Variants in FAM200B observed in about 807,000 individuals in gnomAD.
FAM200B encodes protein FAM200B.
In FAM200B, 32 loss-of-function variants were observed where a neutral mutation model predicts 33.1. That is an observed-to-expected ratio of 0.97 (90% CI 0.73 to 1.30). The LOEUF (loss-of-function observed/expected upper bound fraction) is 1.30, where lower values mean the gene tolerates loss of function less well. Among genes scored for constraint, FAM200B ranks in the 50% most tolerant of loss-of-function variants. The pLI, the probability that FAM200B is intolerant of heterozygous loss-of-function variation, is 0.00. For synonymous variants in FAM200B, 240 were observed against 264.8 expected (o/e 0.91, Z 0.91); for missense variants, 741 against 754.0 (o/e 0.98, Z 0.20).
chr4:15,661,443 A>G, the FAM200B span, among the ~76,000 whole-genome samples: 1 of 152,222 alleles, frequency 6.6e-6, no homozygotes, highest in African/African-American at 2.4e-5. Flanking sequence ...TTTTACCTGT[A>G]AAATGAGCAG....
chr4:15,687,118 T>C lies in FAM200B; in HGVS notation c.141T>C (p.Thr47=). The C allele has an allele frequency of 6.5e-7, 1 of 1,549,110 alleles. No homozygotes were observed. The highest frequency in any genetic ancestry group is 8.7e-7 in the Non-Finnish European group (1 of 1,146,084). The change falls in exon 2 of 2, where the codon ACT becomes ACC. Residue 47 remains threonine (T), a synonymous_variant. Coordinates refer to ENST00000422728, the MANE Select transcript of FAM200B (RefSeq NM_001145191.2). ...KNTDSNLQTS[T]SFEPHFKKKK... is the part of the protein sequence containing the mutation. ...CTGACTCCAATCTGCAAACTTCAAC[T>C]TCATTTGAGCCACATTTCAAAAAGA... is the stretch of plus-strand genomic sequence containing the variant.
chr4:15,672,165 A>G, the FAM200B span, among the ~76,000 whole-genome samples: 1 of 152,220 alleles, frequency 6.6e-6, no homozygotes, highest in African/African-American at 2.4e-5. Flanking sequence ...TTGTTAGGCA[A>G]GACAGGGACA....
the FAM200B span, among the ~76,000 whole-genome samples, chr4:15,638,295 T>A: frequency 6.6e-6 from 1 of 152,196 alleles, no homozygotes; most frequent in African/African-American, 2.4e-5. Context: ...ACTGAATATG[T>A]CCCAAGTATA....
the FAM200B span, among the ~76,000 whole-genome samples, chr4:15,657,592 C>A: frequency 2.6e-5 from 4 of 152,196 alleles, no homozygotes; most frequent in Non-Finnish European, 2.9e-5. Context: ...CCACTTTGGA[C>A]ACTGGCCATT....
At chr4:15,658,335 C>A in the FAM200B span, among the ~76,000 whole-genome samples, 1 of 152,216 alleles carries the variant, frequency 6.6e-6, no homozygotes, top group African/African-American at 2.4e-5. Flanking sequence ...CTGCAGCAGG[C>A]TGATTTAGGA....
At chr4:15,637,460 CTGATT>C in the FAM200B span, among the ~76,000 whole-genome samples, 1 of 152,154 alleles carries the variant, frequency 6.6e-6, no homozygotes, top group Admixed American at 6.5e-5. Flanking sequence ...CTTTATATAT[CTGATT>C]TGTTTCACAA....
the FAM200B span, among the ~76,000 whole-genome samples, chr4:15,643,356 T>G: frequency 0.011 from 1,695 of 152,374 alleles, 13 homozygotes; most frequent in Non-Finnish European, 0.018. Context: ...AGTTGTAACT[T>G]AAGCTTACGC....
At chr4:15,652,981 T>C in the FAM200B span, among the ~76,000 whole-genome samples, 1 of 152,148 alleles carries the variant, frequency 6.6e-6, no homozygotes, top group African/African-American at 2.4e-5. Flanking sequence ...TTCCTTTAAT[T>C]CCTTTAAGAT....
At chr4:15,667,167 G>C in the FAM200B span, among the ~76,000 whole-genome samples, 1 of 152,164 alleles carries the variant, frequency 6.6e-6, no homozygotes, top group African/African-American at 2.4e-5. Context: ...AAGGGCACCT[G>C]AATACACGTC....
At chr4:15,656,014 G>A in the FAM200B span, among the ~76,000 whole-genome samples, 1 of 152,262 alleles carries the variant, frequency 6.6e-6, no homozygotes, top group East Asian at 1.9e-4. Context: ...GAGAGTTCTC[G>A]TGAAATTCGG....
In FAM200B at chr4:15,689,109, T is replaced by C. The variant is rs1719177983; in HGVS notation, c.*158T>C. ...TATTTTATGTTCATTGAACAAAAATTTAATGAATTTCTGTTAGAGGCCAGG... is the reference window on the plus strand; with the variant it reads ...TATTTTATGTTCATTGAACAAAAATCTAATGAATTTCTGTTAGAGGCCAGG... On this transcript the variant is annotated 3_prime_UTR_variant, in exon 2 of 2. Coordinates refer to ENST00000422728, the MANE Select transcript of FAM200B (RefSeq NM_001145191.2). 3.5e-6 allele frequency: 2 copies of C among 568,146 alleles called. No homozygotes were observed. Among genetic ancestry groups the C allele is most frequent in the Non-Finnish European group, 5.5e-6 (2 of 363,662 alleles). 35.2% of individuals were successfully genotyped at this position (568,146 alleles called of 1,614,324 possible).
At chr4:15,683,444 G>A (rs2148854106) in intron 1 of FAM200B, among the ~76,000 whole-genome samples, 1 of 152,214 alleles carries the variant, frequency 6.6e-6, no homozygotes. Flanking sequence ...TAATACAATA[G>A]TAACTGAACT....
the FAM200B span, chr4:15,656,338 T>C: frequency 2.2e-6 from 1 of 456,124 alleles, no homozygotes; most frequent in Non-Finnish European, 4.4e-6. Flanking sequence ...TTGGCTGGAG[T>C]ACTGCTGGAC....
the FAM200B span, among the ~76,000 whole-genome samples, chr4:15,672,461 C>T: frequency 6.6e-6 from 1 of 152,180 alleles, no homozygotes; most frequent in East Asian, 1.9e-4. Context: ...ATGGCACTGC[C>T]TATAGTTTTT....
chr4:15,649,704 GA>G, the FAM200B span, among the ~76,000 whole-genome samples: 2 of 151,416 alleles, frequency 1.3e-5, no homozygotes, highest in East Asian at 1.9e-4. Context: ...ACTTTATGGA[GA>G]AAAAAAACCT....
At chr4:15,656,386 C>A in the FAM200B span, 1 of 432,912 alleles carries the variant, frequency 2.3e-6, no homozygotes, top group Non-Finnish European at 4.6e-6. Flanking sequence ...AGCCTGAGAA[C>A]CTTGGGAGGA....
the FAM200B span, among the ~76,000 whole-genome samples, chr4:15,658,575 G>A: frequency 8.7e-4 from 132 of 152,182 alleles, 2 homozygotes; most frequent in African/African-American, 3.0e-3. Context: ...TGAGTCCCTC[G>A]CCATGTGATG....
At chr4:15,684,263 T>C (rs1017910833) in intron 1 of FAM200B, among the ~76,000 whole-genome samples, 2 of 152,198 alleles carry the variant, frequency 1.3e-5, no homozygotes, top group African/African-American at 2.4e-5. Flanking sequence ...CTGATTTACA[T>C]TGAGTACTAA....
chr4:15,682,199 A>C (rs978028899), intron 1 of FAM200B, among the ~76,000 whole-genome samples: 1 of 152,130 alleles, frequency 6.6e-6, no homozygotes, highest in Non-Finnish European at 1.5e-5. Flanking sequence ...GGCAGTTTCC[A>C]CTCTTAAGGC....
Sources: allele counts gnomAD v4.1 joint callset (sites outside exome capture counted in the v4.1 genomes callset), GRCh38; gene constraint gnomAD v4.1.1; transcripts MANE v1.5; gene names NCBI Gene and HGNC (gene_info 2026-07-23, HGNC 2026-07-21).